Variants in PLCB1 observed in about 807,000 individuals in gnomAD.
PLCB1 encodes 1-phosphatidylinositol 4,5-bisphosphate phosphodiesterase beta-1.
Under a neutral mutation model 161.8 loss-of-function variants are expected in PLCB1, and 46 were observed. That is an observed-to-expected ratio of 0.28 (90% CI 0.22 to 0.36). PLCB1 has a LOEUF of 0.36. Ranked by LOEUF, PLCB1 falls within the 10% of genes least tolerant of loss-of-function variation. The pLI is 1.00. For synonymous variants in PLCB1, 517 were observed against 503.7 expected, an observed-to-expected ratio of 1.03 and a Z score of -0.35; for missense variants, 1,016 against 1,472.5, an observed-to-expected ratio of 0.69 and a Z score of 5.07.
chr20:8,356,881 A>G (rs564430320), intron 2 of PLCB1, among the ~76,000 whole-genome samples: 1 of 152,212 alleles, frequency 6.6e-6, no homozygotes, highest in Non-Finnish European at 1.5e-5. Flanking sequence ...TAAGAAAATT[A>G]TGGAAGACTT....
chr20:8,365,460 A>C (rs1986678628), intron 2 of PLCB1, among the ~76,000 whole-genome samples: 1 of 152,224 alleles, frequency 6.6e-6, no homozygotes, highest in Non-Finnish European at 1.5e-5. Flanking sequence ...GATGAAAATC[A>C]TGCCTAGGAA....
At chr20:8,474,831 A>G (rs1982202345) in intron 3 of PLCB1, among the ~76,000 whole-genome samples, 3 of 152,204 alleles carry the variant, frequency 2.0e-5, no homozygotes, top group African/African-American at 2.4e-5. Flanking sequence ...TGTGACCACA[A>G]TTGATGATTT....
At chr20:8,300,527 G>C (rs959429300) in intron 2 of PLCB1, among the ~76,000 whole-genome samples, 2 of 151,782 alleles carry the variant, frequency 1.3e-5, no homozygotes, top group African/African-American at 4.9e-5. Context: ...ATAGCCATTT[G>C]TTTGGAAGTG....
intron 3 of PLCB1, among the ~76,000 whole-genome samples, chr20:8,546,374 G>A (rs1229262082): frequency 2.0e-5 from 3 of 150,022 alleles, no homozygotes; most frequent in Admixed American, 6.6e-5. Context: ...CTGGTCCAGT[G>A]ATCATTTCTA....
chr20:8,207,259 T>A (rs1978583075), intron 2 of PLCB1, among the ~76,000 whole-genome samples: 1 of 152,216 alleles, frequency 6.6e-6, no homozygotes, highest in South Asian at 2.1e-4. Flanking sequence ...ACTTTTAAGT[T>A]AGCTCTAATA....
rs35549531 is a variant in PLCB1, at chr20:8,609,651, C to CTTT, written c.247-18638_247-18636dup. Among the ~76,000 whole-genome samples, 1,162 of 152,178 alleles carry CTTT rather than the reference C, an allele frequency of 7.6e-3. 13 individuals are homozygous for CTTT. The highest frequency in any genetic ancestry group is 0.027 in the African/African-American group (1,100 of 41,500). On this transcript the variant is annotated intron_variant, in intron 3 of 31. Transcript: ENST00000338037. ...TGAATTCCATGATTTACACATGGTT[C>CTTT]TTTTTTTAAGAGATGGGAGTCGTGC... is the stretch of plus-strand genomic sequence containing the variant.
chr20:8,337,496 A>T (rs184815471), intron 2 of PLCB1, among the ~76,000 whole-genome samples: 176 of 152,330 alleles, frequency 1.2e-3, no homozygotes, highest in African/African-American at 4.1e-3. Context: ...TTAGCCTTTG[A>T]GAGCATCCAT....
intron 2 of PLCB1, among the ~76,000 whole-genome samples, chr20:8,159,786 G>A (rs959310166): frequency 2.6e-5 from 4 of 151,692 alleles, no homozygotes; most frequent in African/African-American, 4.8e-5. Flanking sequence ...TTGGGAGTTC[G>A]GAACCAGCCT....
chr20:8,171,429 G>C (rs1236894585), intron 2 of PLCB1, among the ~76,000 whole-genome samples: 1 of 151,940 alleles, frequency 6.6e-6, no homozygotes, highest in Non-Finnish European at 1.5e-5. Flanking sequence ...GTATGGGAGA[G>C]GTACTGATTT....
intron 3 of PLCB1, among the ~76,000 whole-genome samples, chr20:8,618,631 G>T (rs1184636673): frequency 6.6e-6 from 1 of 152,094 alleles, no homozygotes; most frequent in African/African-American, 2.4e-5. Context: ...GAAAATTGAG[G>T]TCTTAGAGAT....
chr20:8,174,513 T>C (rs962030954), intron 2 of PLCB1, among the ~76,000 whole-genome samples: 1 of 152,030 alleles, frequency 6.6e-6, no homozygotes, highest in African/African-American at 2.4e-5. Context: ...AAACTTGGAG[T>C]ATCAGAAACA....
intron 3 of PLCB1, among the ~76,000 whole-genome samples, chr20:8,592,940 C>T (rs923391996): frequency 3.5e-4 from 54 of 152,204 alleles, no homozygotes; most frequent in African/African-American, 1.3e-3. Flanking sequence ...CATGAGATTC[C>T]GGAAACCCAG....
At chr20:8,841,784 G>C (rs12624809) in intron 31 of PLCB1, among the ~76,000 whole-genome samples, 48,755 of 152,142 alleles carry the variant, frequency 0.32, 8,807 homozygotes, top group East Asian at 0.63. Flanking sequence ...TCTGCAGTTT[G>C]AAATTTAAGT....
intron 2 of PLCB1, among the ~76,000 whole-genome samples, chr20:8,361,232 G>A (rs894944086): frequency 2.6e-5 from 4 of 152,168 alleles, no homozygotes; most frequent in Non-Finnish European, 5.9e-5. Flanking sequence ...CTACTGATAA[G>A]CACAGTAGTC....
chr20:8,541,588 GAAA>G (rs2122958745), intron 3 of PLCB1, among the ~76,000 whole-genome samples: 1 of 150,752 alleles, frequency 6.6e-6, no homozygotes, highest in South Asian at 2.1e-4. Flanking sequence ...AAGAAAGAAA[GAAA>G]GAAAGAAAGA....
At chr20:8,154,209 G>A (rs1470184521) in intron 2 of PLCB1, among the ~76,000 whole-genome samples, 3 of 152,148 alleles carry the variant, frequency 2.0e-5, no homozygotes, top group Non-Finnish European at 4.4e-5. Context: ...TTTCAAGTTA[G>A]TACATGTGTG....
chr20:8,854,797 C>T (rs899958556), intron 31 of PLCB1, among the ~76,000 whole-genome samples: 4 of 152,208 alleles, frequency 2.6e-5, no homozygotes, highest in Non-Finnish European at 4.4e-5. Context: ...CTGTGTATTT[C>T]CTGTCCTCGT....
chr20:8,778,635 T>A (rs1438680326), intron 27 of PLCB1, among the ~76,000 whole-genome samples: 1 of 152,158 alleles, frequency 6.6e-6, no homozygotes, highest in Admixed American at 6.5e-5. Flanking sequence ...CATGCCCAAG[T>A]CAGCCTGGCC....
At chr20:8,670,464 G>A (rs1483428039) in intron 9 of PLCB1, among the ~76,000 whole-genome samples, 3 of 152,174 alleles carry the variant, frequency 2.0e-5, no homozygotes, top group Admixed American at 6.5e-5. Context: ...TAATCTGCAG[G>A]AGCTTTTGAG....
Sources: allele counts gnomAD v4.1 joint callset (sites outside exome capture counted in the v4.1 genomes callset), GRCh38; gene constraint gnomAD v4.1.1; transcripts MANE v1.5; gene names NCBI Gene and HGNC (gene_info 2026-07-23, HGNC 2026-07-21).